Variants in TRPC7 observed in about 807,000 individuals in gnomAD.
TRPC7 encodes the protein transient receptor potential cation channel subfamily C member 7.
Under a neutral mutation model 90.1 loss-of-function variants are expected in TRPC7, and 42 were observed. The ratio of observed to expected loss-of-function variants is 0.47; its 90% CI spans 0.36 to 0.60. The LOEUF (loss-of-function observed/expected upper bound fraction) is 0.60, where lower values mean the gene tolerates loss of function less well. Ranked by LOEUF, TRPC7 falls within the 20% of genes least tolerant of loss-of-function variation. TRPC7 has a pLI of 0.00. For missense variants in TRPC7, 955 were observed against 1,112.3 expected (o/e 0.86, Z 2.01); for synonymous variants, 451 against 436.3 (o/e 1.03, Z -0.42).
chr5:136,277,986 G>A (rs541792205), intron 3 of TRPC7, among the ~76,000 whole-genome samples: 2 of 152,310 alleles, frequency 1.3e-5, no homozygotes, highest in Admixed American at 1.3e-4. Context: ...TTTACATGGG[G>A]CTGAGCAGGC....
chr5:136,297,005 C>A (rs1316929436), intron 3 of TRPC7, among the ~76,000 whole-genome samples: 1 of 152,118 alleles, frequency 6.6e-6, no homozygotes, highest in Non-Finnish European at 1.5e-5. Flanking sequence ...AAATCCAATC[C>A]CAGGACACCT....
chr5:136,349,015 C>T (rs1760100517), intron 2 of TRPC7, among the ~76,000 whole-genome samples: 1 of 152,110 alleles, frequency 6.6e-6, no homozygotes, highest in Non-Finnish European at 1.5e-5. Flanking sequence ...GATAGTTGCA[C>T]TTGTGTAGGA....
chr5:136,295,369 C>T (rs536352644), intron 3 of TRPC7, among the ~76,000 whole-genome samples: 1 of 152,102 alleles, frequency 6.6e-6, no homozygotes, highest in Non-Finnish European at 1.5e-5. Context: ...GGGCGGCTAC[C>T]TGTGGATCTG....
intron 3 of TRPC7, among the ~76,000 whole-genome samples, chr5:136,293,791 T>G (rs1270034352): frequency 1.3e-5 from 2 of 152,168 alleles, no homozygotes; most frequent in African/African-American, 4.8e-5. Context: ...AAAAAACTAC[T>G]TTAAAGTTCA....
chr5:136,309,953 A>G (rs1237903634), intron 3 of TRPC7, among the ~76,000 whole-genome samples: 4 of 152,128 alleles, frequency 2.6e-5, no homozygotes, highest in East Asian at 1.9e-4. Flanking sequence ...CCTAATCTTT[A>G]CAACCACTCC....
chr5:136,266,861 T>C (rs901543926), intron 4 of TRPC7, among the ~76,000 whole-genome samples: 1 of 152,254 alleles, frequency 6.6e-6, no homozygotes, highest in Admixed American at 6.5e-5. Flanking sequence ...ACCTTTCTTG[T>C]ATGTTGATAC....
In TRPC7 at chr5:136,247,480, G is replaced by T; in HGVS notation, c.1835C>A (p.Ala612Glu). 1 of 1,611,746 alleles carries T rather than the reference G, an allele frequency of 6.2e-7. No individual in the cohort carries two copies. The highest frequency in any genetic ancestry group is 8.5e-7 in the Non-Finnish European group (1 of 1,178,366). The change falls in exon 7 of 12, where the codon GCG becomes GAG. Residue 612 changes from alanine (A) to glutamate (E), a missense_variant. By Grantham distance (107) the Ala-to-Glu change is moderately radical. This residue lies in a region of TRPC7 where 296 missense variants were observed against 422.7 expected (regional missense o/e 0.70). Coordinates refer to ENST00000513104, the MANE Select transcript of TRPC7 (RefSeq NM_020389.3). The surrounding 1 kb of genome is among the most constrained non-coding windows in gnomAD (Gnocchi z 4.2). ...SYYRGAKYNP[A>E]FTTVEESFKT... ...GCTCTCAGATACTCACGTTGTAAACGCTGGGTTGTATTTGGCACCTCGGTA... is the reference window on the plus strand; with the variant it reads ...GCTCTCAGATACTCACGTTGTAAACTCTGGGTTGTATTTGGCACCTCGGTA...
intron 3 of TRPC7, among the ~76,000 whole-genome samples, chr5:136,290,514 T>C (rs1380649751): frequency 6.6e-6 from 1 of 152,142 alleles, no homozygotes; most frequent in African/African-American, 2.4e-5. Context: ...CAGTAACTGA[T>C]GTGATCAACT....
intron 7 of TRPC7, among the ~76,000 whole-genome samples, chr5:136,244,965 C>T (rs1389308172): frequency 6.6e-6 from 1 of 152,206 alleles, no homozygotes; most frequent in Non-Finnish European, 1.5e-5. Flanking sequence ...AAATTATTCA[C>T]CATCTCCATT....
intron 6 of TRPC7, among the ~76,000 whole-genome samples, chr5:136,250,717 T>C (rs1580862920): frequency 6.6e-6 from 1 of 152,206 alleles, no homozygotes; most frequent in Admixed American, 6.5e-5. Context: ...AAACAAACTT[T>C]TTGATGTAGG....
chr5:136,228,391 G>T (rs1404196830), intron 8 of TRPC7, among the ~76,000 whole-genome samples: 1 of 151,570 alleles, frequency 6.6e-6, no homozygotes, highest in Non-Finnish European at 1.5e-5. Context: ...GGGGAGAAAG[G>T]TTGGGAGCTG....
chr5:136,350,453 C>T (rs1299709932), intron 2 of TRPC7, among the ~76,000 whole-genome samples: 1 of 152,300 alleles, frequency 6.6e-6, no homozygotes, highest in African/African-American at 2.4e-5. Context: ...GACATAGACC[C>T]TAGAAGAGAA....
rs549204997 is a variant in TRPC7 at position 136,274,945 on chromosome 5, C to T, written c.964-108G>A. ...GTAGCTGGGGGCTGAAATGCTCCAC[C>T]TGGGGGGTGGTTGAGGAACCTGCAG... On this transcript the variant is annotated intron_variant, in intron 3 of 11. Transcript: ENST00000513104. The T allele has an allele frequency of 2.6e-5, 34 of 1,309,756 alleles. 1 individual carries two copies. In the South Asian group the frequency reaches 5.1e-4, roughly 20 times the overall value. 81.1% of individuals were successfully genotyped at this position (1,309,756 alleles called of 1,614,324 possible).
chr5:136,303,883 A>G (rs1247672996), intron 3 of TRPC7: 1 of 151,608 alleles, frequency 6.6e-6, no homozygotes, highest in Non-Finnish European at 1.5e-5. Flanking sequence ...TTCTTAGTCA[A>G]TACGGAGGCT....
chr5:136,339,394 TA>T (rs1411212395), intron 2 of TRPC7, among the ~76,000 whole-genome samples: 2 of 152,236 alleles, frequency 1.3e-5, no homozygotes, highest in Admixed American at 6.5e-5. Context: ...CAGGCATAGT[TA>T]AATTCTAACC....
chr5:136,353,093 T>TA (rs1760253418), intron 2 of TRPC7, among the ~76,000 whole-genome samples: 1 of 152,176 alleles, frequency 6.6e-6, no homozygotes, highest in Non-Finnish European at 1.5e-5. Context: ...ACATCAAGTT[T>TA]TAATATCTTT....
intron 11 of TRPC7, chr5:136,214,221 T>C (rs932414408): frequency 2.0e-5 from 3 of 152,806 alleles, no homozygotes; most frequent in African/African-American, 7.2e-5. Flanking sequence ...CCTCCTTCCA[T>C]AACGAGGGAC....
At chr5:136,363,932 T>A (rs944019047) in intron 1 of TRPC7, among the ~76,000 whole-genome samples, 11 of 152,216 alleles carry the variant, frequency 7.2e-5, no homozygotes, top group Admixed American at 2.6e-4. Context: ...GAAACAAGTT[T>A]TGATAGCTTT....
At chr5:136,328,593 ATC>A (rs1485070824) in intron 2 of TRPC7, among the ~76,000 whole-genome samples, 2 of 152,150 alleles carry the variant, frequency 1.3e-5, no homozygotes, top group Non-Finnish European at 2.9e-5. Context: ...GTATAACTTA[ATC>A]TCTCTGTGTG....
Sources: allele counts gnomAD v4.1 joint callset (sites outside exome capture counted in the v4.1 genomes callset), GRCh38; gene constraint gnomAD v4.1.1; regional missense constraint gnomAD v4.1.1; non-coding constraint Gnocchi (gnomAD v3.1); transcripts MANE v1.5; gene names NCBI Gene and HGNC (gene_info 2026-07-23, HGNC 2026-07-21).